Variants in PRDM10 observed in about 807,000 individuals in gnomAD.
The protein encoded by PRDM10 is PR/SET domain 10, also known as PR domain zinc finger protein 10.
In PRDM10, 65 loss-of-function variants were observed where a neutral mutation model predicts 133.1. That is an observed-to-expected ratio of 0.49 (90% CI 0.40 to 0.60). The LOEUF (loss-of-function observed/expected upper bound fraction) is 0.60, where lower values mean the gene tolerates loss of function less well. PRDM10 is among the 20% of genes least tolerant of loss of function. The pLI, the probability that PRDM10 is intolerant of heterozygous loss-of-function variation, is 0.00. For synonymous variants in PRDM10, 582 were observed against 580.4 expected (o/e 1.00, Z -0.04); for missense variants, 1,137 against 1,507.1 (o/e 0.75, Z 4.07).
intron 1 of PRDM10, among the ~76,000 whole-genome samples, chr11:130,001,401 G>A (rs1208402146): frequency 6.6e-6 from 1 of 152,178 alleles, no homozygotes; most frequent in Non-Finnish European, 1.5e-5. Context: ...GAGTGATTCT[G>A]CTGTTTTTAA....
rs568281287 is a variant in PRDM10 at position 129,927,074 on chromosome 11, C to T, written c.1531-1845G>A. Among the ~76,000 whole-genome samples the T allele has an allele frequency of 2.7e-5, 4 of 148,488 alleles. No homozygotes were observed. The East Asian group carries it at 8.1e-4, about 30-fold the overall frequency. ...TACAAAAATTAGCCAGGCGTGGTAG[C>T]AGGCACCTGTAACCCCAGGGCTGTA... On this transcript the variant is annotated intron_variant, in intron 11 of 20. Coordinates refer to ENST00000360871, the MANE Select transcript of PRDM10 (RefSeq NM_199437.2).
chr11:129,985,220 T>A (rs924410723), intron 1 of PRDM10, among the ~76,000 whole-genome samples: 1 of 152,134 alleles, frequency 6.6e-6, no homozygotes, highest in African/African-American at 2.4e-5. Context: ...AAAAACAGTA[T>A]TGCCATTAAA....
chr11:129,941,216 C>A lies in PRDM10; in HGVS notation c.966+1210G>T, dbSNP rs532308813. The stretch of plus-strand genomic sequence containing the variant: ...TTCAGTGTTTGTGTACTTATATGAT[C>A]ATTTCTTGCCTATTTTTCATTTATA... On this transcript the variant is annotated intron_variant, in intron 7 of 20. Transcript: ENST00000360871. Among the ~76,000 whole-genome samples, 10 of 152,284 alleles carry A rather than the reference C, an allele frequency of 6.6e-5. No individual in the cohort carries two copies. The South Asian group carries it at 2.1e-3, about 32-fold the overall frequency.
rs1180240848 is a variant in PRDM10, at chr11:129,931,170, A to T, written c.1376T>A (p.Ile459Asn). 1 of 1,614,162 alleles carries T rather than the reference A, an allele frequency of 6.2e-7. No homozygotes were observed. The highest frequency in any genetic ancestry group is 8.5e-7 in the Non-Finnish European group (1 of 1,180,026). ...NGLDQPEQTT[I>N]PIPQLPQETQ... The stretch of plus-strand genomic sequence containing the variant: ...TTCCTGTGGCAGCTGAGGGATTGGG[A>T]TAGTGGTCTGTTCTGGTTGATCCAG... Residue 459 changes from isoleucine (I) to asparagine (N), a missense_variant, in exon 11 of 21, where the codon ATC (isoleucine) becomes AAC (asparagine). Ile to Asn is a moderately radical substitution (Grantham distance 149). Transcript: ENST00000360871.
rs372041863 is a variant in PRDM10 at position 129,916,615 on chromosome 11, A to G, written c.2325+512T>C. On this transcript the variant is annotated intron_variant, in intron 15 of 20. Transcript: ENST00000360871. The stretch of plus-strand genomic sequence containing the variant: ...ATGCCACTGCACTCCAGCCTGTGTA[A>G]CAGAGCAAGACTCCATCTCAAAAAG... Among the ~76,000 whole-genome samples the G allele has an allele frequency of 7.2e-5, 11 of 152,356 alleles. No homozygotes were observed. The East Asian group carries it at 1.7e-3, about 24-fold the overall frequency.
At chr11:129,919,158 G>A (rs988861227) in intron 13 of PRDM10, among the ~76,000 whole-genome samples, 1 of 152,164 alleles carries the variant, frequency 6.6e-6, no homozygotes, top group African/African-American at 2.4e-5. Context: ...ATCACCTGAG[G>A]TCAGGAGTTT....
intron 4 of PRDM10, among the ~76,000 whole-genome samples, chr11:129,950,123 G>A (rs888417028): frequency 5.3e-5 from 8 of 152,010 alleles, no homozygotes; most frequent in Non-Finnish European, 1.0e-4. Context: ...TGTGGTCCCA[G>A]CTACTCAGGA....
At chr11:129,949,547 C>T (rs1424119573) in intron 4 of PRDM10, among the ~76,000 whole-genome samples, 6 of 152,202 alleles carry the variant, frequency 3.9e-5, no homozygotes, top group Admixed American at 3.3e-4. Context: ...CCAATCCCTT[C>T]AGGCATCTAG....
At position 129,947,120 on chromosome 11, in the gene PRDM10, G is replaced by C; in HGVS notation, c.520+25C>G. The C allele has an allele frequency of 6.2e-7, 1 of 1,611,262 alleles. No homozygotes were observed. Among genetic ancestry groups the C allele is most frequent in the Non-Finnish European group, 8.5e-7 (1 of 1,178,274 alleles). ...CACACAAGATGGACACAGCTTCCCT[G>C]GGGGAGACCCGTGCCCACACTTACA... On this transcript the variant is annotated intron_variant, in intron 5 of 20. Transcript: ENST00000360871. The surrounding 1 kb of genome is among the most constrained non-coding windows in gnomAD (Gnocchi z 4.6).
Position 129,931,032 on chromosome 11 carries a change from C to G in PRDM10, c.1514G>C (p.Arg505Thr). The G allele has an allele frequency of 6.2e-7, 1 of 1,612,602 alleles. No homozygotes were observed. The highest frequency in any genetic ancestry group is 8.5e-7 in the Non-Finnish European group (1 of 1,179,274). The change falls in exon 11 of 21, where the codon AGA becomes ACA. Residue 505 changes from arginine (R) to threonine (T), a missense_variant. By Grantham distance (71) the Arg-to-Thr change is moderately conservative. Coordinates refer to ENST00000360871, the MANE Select transcript of PRDM10 (RefSeq NM_199437.2). Reference sequence around the variant, plus strand: ...CCCACTTACTCGGATGCGCTTGGCTCTGCGCATGTCGTCGGCTGTCAGCGT... The same window carrying G: ...CCCACTTACTCGGATGCGCTTGGCTGTGCGCATGTCGTCGGCTGTCAGCGT... ...QSTLTADDMR[R>T]AKRIRNAALQ...
At chr11:129,963,859 A>AT (rs1951852268) in intron 1 of PRDM10, among the ~76,000 whole-genome samples, 1 of 152,088 alleles carries the variant, frequency 6.6e-6, no homozygotes, top group Non-Finnish European at 1.5e-5. Context: ...AGAATACGAC[A>AT]TTTTTTCTCC....
At chr11:129,929,541 T>A (rs1950785435) in intron 11 of PRDM10, 1 of 838,770 alleles carries the variant, frequency 1.2e-6, no homozygotes, top group East Asian at 3.0e-5. Flanking sequence ...ATAGCCCTAC[T>A]TTTTAGAATG....
At chr11:129,933,996 C>T (rs1324315893) in intron 9 of PRDM10, among the ~76,000 whole-genome samples, 1 of 152,244 alleles carries the variant, frequency 6.6e-6, no homozygotes, top group Non-Finnish European at 1.5e-5. Context: ...TGCTTTCGTG[C>T]AGCTCTGCAT....
chr11:129,929,406 C>T (rs759111752), intron 11 of PRDM10: 3 of 1,566,432 alleles, frequency 1.9e-6, no homozygotes, highest in Admixed American at 1.9e-5. Context: ...GGAAACAAAC[C>T]TACCTGCAGC....
At chr11:129,996,190 C>T (rs1186458746) in intron 1 of PRDM10, among the ~76,000 whole-genome samples, 4 of 152,150 alleles carry the variant, frequency 2.6e-5, no homozygotes, top group African/African-American at 7.2e-5. Context: ...AACGTAAGCA[C>T]TGAATGTTAC....
intron 2 of PRDM10, 56 bp from the exon 3 acceptor site, chr11:129,957,966 C>G (rs1951728400): frequency 6.5e-7 from 1 of 1,536,752 alleles, no homozygotes; most frequent in South Asian, 1.2e-5. Context: ...AAGTGATCAA[C>G]AAGCACACCT....
At chr11:129,943,652 G>A (rs1285394169) in intron 6 of PRDM10, among the ~76,000 whole-genome samples, 1 of 152,092 alleles carries the variant, frequency 6.6e-6, no homozygotes. Context: ...TTGAGCTCAG[G>A]AGTTCAAGAT....
Position 129,946,064 on chromosome 11 carries a change from C to A in PRDM10, c.521-1052G>T, listed in dbSNP as rs561575939. On this transcript the variant is annotated intron_variant, in intron 5 of 20. Transcript: ENST00000360871. ...CCAGTCTCGCCAACATGGTGAAACT[C>A]CATCTCTACTAAAAATACAAAAAAA... 2.0e-5 allele frequency among the ~76,000 whole-genome samples: 3 copies of A among 151,148 alleles called. No individual in the cohort carries two copies. The South Asian group carries it at 6.3e-4, about 32-fold the overall frequency.
intron 13 of PRDM10, among the ~76,000 whole-genome samples, chr11:129,919,935 A>C (rs1950472649): frequency 6.6e-6 from 1 of 152,082 alleles, no homozygotes; most frequent in African/African-American, 2.4e-5. Context: ...ACCCGCCTTC[A>C]TTTCTGGAAA....
Sources: gnomAD v4.1 joint callset for allele counts (sites outside exome capture counted in the v4.1 genomes callset) on GRCh38, gnomAD v4.1.1 for gene constraint, Gnocchi (gnomAD v3.1) non-coding constraint, MANE v1.5 for transcripts, NCBI Gene and HGNC (gene_info 2026-07-23, HGNC 2026-07-21) for gene names.